The following CROCC variants were observed in gnomAD, a reference collection of about 807,000 sequenced individuals.
CROCC encodes the protein ciliary rootlet coiled-coil, rootletin, also known as rootletin.
In CROCC, 180 loss-of-function variants were observed where a neutral mutation model predicts 245.2. The observed-to-expected ratio is 0.73, with a 90% CI of 0.65 to 0.83. The LOEUF (loss-of-function observed/expected upper bound fraction) is 0.83. Among genes scored for constraint, CROCC ranks in the 40% least tolerant of loss-of-function variants. The pLI is 0.00. For missense variants in CROCC, 2,688 were observed against 2,779.4 expected, an observed-to-expected ratio of 0.97 and a Z score of 0.74; for synonymous variants, 1,205 against 1,241.6, an observed-to-expected ratio of 0.97 and a Z score of 0.62.
intron 35 of CROCC, among the ~76,000 whole-genome samples, chr1:16,971,175 C>T (rs2076510979): frequency 6.6e-6 from 1 of 151,472 alleles, no homozygotes; most frequent in African/African-American, 2.4e-5. Flanking sequence ...TAGGTATTTA[C>T]ATGCTTGCCT....
chr1:16,961,158 G>A, intron 27 of CROCC, 28 bp downstream of exon 27: 1 of 1,293,596 alleles, frequency 7.7e-7, no homozygotes, highest in Non-Finnish European at 9.8e-7. Context: ...CGCAGGGAAG[G>A]GGGGAGGTGG....
intron 25 of CROCC, 104 bp downstream of exon 25, chr1:16,956,260 G>C (rs2076249633): frequency 1.6e-6 from 2 of 1,247,168 alleles, no homozygotes; most frequent in African/African-American, 3.0e-5. Context: ...AAAACCAGGG[G>C]CTTGAACTAT....
chr1:16,939,048 G>A lies in CROCC; in HGVS notation c.1514G>A (p.Arg505His), dbSNP rs763952064. ...PPRRSSPGRG[R>H]SPRRGPSPAC... ...CGGCGCTCCTCGCCCGGCCGAGGCC[G>A]TTCACCCCGCCGAGGCCCCTCCCCG... is the stretch of plus-strand genomic sequence containing the variant. Residue 505 changes from arginine to histidine, a missense_variant, in exon 12 of 37, where the codon CGT (arginine) becomes CAT (histidine). Physicochemically the swap from Arg to His is conservative, Grantham distance 29. Transcript: ENST00000375541. 1.4e-5 allele frequency: 23 copies of A among 1,589,932 alleles called. No individual in the cohort carries two copies. In the African/African-American group the frequency reaches 2.6e-4, roughly 18 times the overall value.
rs746869011 is a variant in CROCC at position 16,944,259 on chromosome 1, G to A, written c.1968G>A (p.Arg656=). Residue 656 remains arginine, a synonymous_variant, in exon 14 of 37, where the codon CGG becomes CGA. Coordinates refer to ENST00000375541, the MANE Select transcript of CROCC (RefSeq NM_014675.5). The stretch of plus-strand genomic sequence containing the variant: ...AGGACGCAGTGCAGGATGGCGCGCG[G>A]GTGCGCCGGGAGCTTGAGCGCAGGT... The part of the protein sequence containing the change: ...EQEDAVQDGA[R]VRRELERSHR... 3.2e-5 allele frequency: 50 copies of A among 1,544,928 alleles called. No homozygotes were observed. Among genetic ancestry groups the A allele is most frequent in the Non-Finnish European group, 4.2e-5 (48 of 1,144,000 alleles).
rs749989143 is a variant in CROCC, at chr1:16,937,742, GC to G, written c.1290+6del. ...ACTGAGAAGCTTGAGGCCCTGGTGA[GC>G]TGCAGGTGCCCCTGAGATGGGGCAG... On this transcript the variant is annotated splice_donor_region_variant and intron_variant, in intron 10 of 36. Transcript: ENST00000375541. 55 of 1,605,720 alleles carry G rather than the reference GC, an allele frequency of 3.4e-5. No individual in the cohort carries two copies. In the Middle Eastern group the frequency reaches 1.8e-3, roughly 53 times the overall value.
Position 16,970,234 on chromosome 1 carries a change from T to A in CROCC, c.5452-19T>A. 1.3e-6 allele frequency: 2 copies of A among 1,531,980 alleles called. No homozygotes were observed. The highest frequency in any genetic ancestry group is 1.8e-6 in the Non-Finnish European group (2 of 1,132,256). 94.9% of individuals were successfully genotyped at this position (1,531,980 alleles called of 1,614,324 possible). A position where few individuals can be genotyped will look rare whatever the true frequency, so the allele number is the denominator to read the frequency against. On this transcript the variant is annotated intron_variant, in intron 33 of 36. Coordinates refer to ENST00000375541, the MANE Select transcript of CROCC (RefSeq NM_014675.5). ...CTCAGGCCCAGAGGGATTCGGGGCC[T>A]GCCTGGCTTCTGTTGCAGGTGCTGC...
chr1:16,958,568 C>T lies in CROCC; in HGVS notation c.3865-15C>T, dbSNP rs2076282150. On this transcript the variant is annotated splice_polypyrimidine_tract_variant and intron_variant, in intron 25 of 36. Transcript: ENST00000375541. ...GGGCAGAGCTGAACCTGCTGCCATT[C>T]CCGTGCTCTCACAGATGAAGATGCT... The T allele has an allele frequency of 6.5e-7, 1 of 1,549,664 alleles. No homozygotes were observed. Among genetic ancestry groups the T allele is most frequent in the Non-Finnish European group, 8.7e-7 (1 of 1,147,046 alleles).
At chr1:16,947,295 G>A (rs1484307869) in intron 17 of CROCC, among the ~76,000 whole-genome samples, 3 of 152,230 alleles carry the variant, frequency 2.0e-5, no homozygotes, top group Non-Finnish European at 4.4e-5. Context: ...TGGCTAACAC[G>A]GTGAAACCCT....
chr1:16,928,632 T>G, intron 3 of CROCC, among the ~76,000 whole-genome samples: 1 of 151,616 alleles, frequency 6.6e-6, no homozygotes, highest in African/African-American at 2.4e-5. Flanking sequence ...TGAAACCCCA[T>G]CTCTACTAAA....
chr1:16,922,592 G>A lies in CROCC; in HGVS notation c.61-71G>A, dbSNP rs561375441. ...CCTGTATCTTGGGCAGTAGGATTCT[G>A]TGGCTCTCCCCACGAGGCCAGGGAG... On this transcript the variant is annotated intron_variant, in intron 1 of 36. Coordinates refer to ENST00000375541, the MANE Select transcript of CROCC (RefSeq NM_014675.5). 5.3e-6 allele frequency: 8 copies of A among 1,522,408 alleles called. No individual in the cohort carries two copies. In the African/African-American group the frequency reaches 9.6e-5, roughly 18 times the overall value. 94.3% of individuals were successfully genotyped at this position (1,522,408 alleles called of 1,614,324 possible). A position where few individuals can be genotyped will look rare whatever the true frequency, so the allele number is the denominator to read the frequency against.
Position 16,921,951 on chromosome 1 carries a change from C to G in CROCC, c.-68C>G. 7.0e-7 allele frequency: 1 copy of G among 1,434,886 alleles called. No individual in the cohort carries two copies. Among genetic ancestry groups the G allele is most frequent in the Non-Finnish European group, 9.6e-7 (1 of 1,040,706 alleles). 88.9% of individuals were successfully genotyped at this position (1,434,886 alleles called of 1,614,324 possible). A position where few individuals can be genotyped will look rare whatever the true frequency, so the allele number is the denominator to read the frequency against. Reference sequence around the variant, plus strand: ...TCAGCACAGCATCCTGGCTGTGGCGCGTGCTGACTGAGCTAGTCTTGGGGT... The same window carrying G: ...TCAGCACAGCATCCTGGCTGTGGCGGGTGCTGACTGAGCTAGTCTTGGGGT... On this transcript the variant is annotated 5_prime_UTR_variant, in exon 1 of 37. Transcript: ENST00000375541.
At position 16,954,412 on chromosome 1, in the gene CROCC, T is replaced by C. The variant is rs1279855187; in HGVS notation, c.3321+55T>C. On this transcript the variant is annotated intron_variant, in intron 22 of 36. Coordinates refer to ENST00000375541, the MANE Select transcript of CROCC (RefSeq NM_014675.5). This position sits in a 1 kb window ranked among gnomAD's most constrained non-coding sequence, Gnocchi z 4.4. Reference sequence around the variant, plus strand: ...TCTCATAGAGAGGCACATCCCTGGCTGAGGAGCCCCCACCACGGGGCGGCA... The same window carrying C: ...TCTCATAGAGAGGCACATCCCTGGCCGAGGAGCCCCCACCACGGGGCGGCA... The C allele has an allele frequency of 6.4e-7, 1 of 1,569,984 alleles. No homozygotes were observed. Among genetic ancestry groups the C allele is most frequent in the Non-Finnish European group, 8.7e-7 (1 of 1,154,386 alleles).
rs1034604645 is a variant in CROCC at position 16,966,142 on chromosome 1, C to T, written c.4696+23C>T. 15 of 1,598,894 alleles carry T rather than the reference C, an allele frequency of 9.4e-6. No homozygotes were observed. Among genetic ancestry groups the T allele is most frequent in the African/African-American group, 4.0e-5 (3 of 74,708 alleles). ...AAGGTGAGTCTGATCCTCGGGGTCC[C>T]TGTTCTCTCTCCTGTGTTTTGGGCA... On this transcript the variant is annotated intron_variant, in intron 29 of 36. Transcript: ENST00000375541. The surrounding 1 kb of genome is among the most constrained non-coding windows in gnomAD (Gnocchi z 4.8).
Position 16,970,700 on chromosome 1 carries a change from T to C in CROCC, c.5717T>C (p.Leu1906Pro), listed in dbSNP as rs1290652550. Residue 1906 changes from leucine to proline, a missense_variant, in exon 35 of 37, where the codon CTG becomes CCG. Physicochemically the swap from Leu to Pro is moderately conservative, Grantham distance 98 (BLOSUM62 -3). Coordinates refer to ENST00000375541, the MANE Select transcript of CROCC (RefSeq NM_014675.5). ...CGGCTGAGCGCAGAGAAGGGCCGCC[T>C]GGACCGCACCCTCACGGGGGCTGAG... ...TVRLSAEKGR[L>P]DRTLTGAELE... 1 of 1,604,708 alleles carries C rather than the reference T, an allele frequency of 6.2e-7. No homozygotes were observed. Among genetic ancestry groups the C allele is most frequent in the South Asian group, 1.1e-5 (1 of 89,882 alleles).
chr1:16,972,699 G>A lies in CROCC; in HGVS notation c.*253G>A. On this transcript the variant is annotated 3_prime_UTR_variant, in exon 37 of 37. Transcript: ENST00000375541. ...GATCATTAAAGTTCCTCCTTGAGAG[G>A]CTGAGCCGTAGCCAGGATTGGGGAG... 2.9e-6 allele frequency: 1 copy of A among 341,238 alleles called. No homozygotes were observed. Among genetic ancestry groups the A allele is most frequent in the South Asian group, 4.4e-5 (1 of 22,526 alleles). 21.1% of individuals were successfully genotyped at this position (341,238 alleles called of 1,614,324 possible).
rs1557600646 is a variant in CROCC, at chr1:16,939,159, G to C, written c.1608+17G>C. The C allele has an allele frequency of 1.4e-6, 2 of 1,442,686 alleles. No individual in the cohort carries two copies. The highest frequency in any genetic ancestry group is 5.4e-5 in the East Asian group (2 of 36,916). The allele number at this position is 1,442,686 out of a possible 1,614,324, so 89.4% of individuals were successfully genotyped here. ...CAGGTCCAGGTAGGAAGGGGCTTGAGCGTTCTGGGCGCAGCCAGAGGCCTG... is the reference window on the plus strand; with the variant it reads ...CAGGTCCAGGTAGGAAGGGGCTTGACCGTTCTGGGCGCAGCCAGAGGCCTG... On this transcript the variant is annotated intron_variant, in intron 12 of 36. Coordinates refer to ENST00000375541, the MANE Select transcript of CROCC (RefSeq NM_014675.5).
intron 1 of CROCC, among the ~76,000 whole-genome samples, chr1:16,915,959 A>G (rs1183234378): frequency 6.6e-6 from 1 of 152,266 alleles, no homozygotes; most frequent in African/African-American, 2.4e-5. Context: ...TGGGTGGATC[A>G]CTTGAGGTCA....
At position 16,946,962 on chromosome 1, in the gene CROCC, C is replaced by A. The variant is rs372765137; in HGVS notation, c.2485C>A (p.Arg829Ser). 1 of 1,555,940 alleles carries A rather than the reference C, an allele frequency of 6.4e-7. No individual in the cohort carries two copies. Among genetic ancestry groups the A allele is most frequent in the South Asian group, 1.2e-5 (1 of 84,368 alleles). ...GCAGCTCCCCACGCTGCGCCATGAG[C>A]GCAGCCAGCTGCAGGAGCAGCTAGC... ...EQQLPTLRHE[R>S]SQLQEQLAQL... The change falls in exon 17 of 37, where the codon CGC becomes AGC. Residue 829 changes from arginine to serine, a missense_variant. Physicochemically the swap from Arg to Ser is moderately radical, Grantham distance 110 (BLOSUM62 -1). Around this residue, in one of 9 missense-constraint regions of CROCC, gnomAD observed 295 missense variants for 241.7 expected, o/e 1.22. Coordinates refer to ENST00000375541, the MANE Select transcript of CROCC (RefSeq NM_014675.5).
intron 20 of CROCC, among the ~76,000 whole-genome samples, chr1:16,952,824 C>G (rs1031796565): frequency 6.6e-6 from 1 of 152,212 alleles, no homozygotes; most frequent in Non-Finnish European, 1.5e-5. Context: ...GGAACATCCC[C>G]TAAGCTAAAA....
Sources: gnomAD v4.1 joint callset for allele counts (sites outside exome capture counted in the v4.1 genomes callset) on GRCh38, gnomAD v4.1.1 for gene constraint, gnomAD v4.1.1 regional missense constraint, Gnocchi (gnomAD v3.1) non-coding constraint, MANE v1.5 for transcripts, NCBI Gene and HGNC (gene_info 2026-07-23, HGNC 2026-07-21) for gene names.